The following NRG1 variants were observed in gnomAD, a reference collection of about 807,000 sequenced individuals.
NRG1 encodes the protein pro-neuregulin-1, membrane-bound isoform.
In NRG1, 18 loss-of-function variants were observed where a neutral mutation model predicts 63.8. The ratio of observed to expected loss-of-function variants is 0.28; its 90% CI spans 0.19 to 0.42. The LOEUF (loss-of-function observed/expected upper bound fraction) is 0.42. Ranked by LOEUF, NRG1 falls within the 10% of genes least tolerant of loss-of-function variation. The probability of loss-of-function intolerance (pLI) is 1.00; values close to 1 mark genes in which losing one functional copy is unlikely to be tolerated. For missense variants in NRG1, 762 were observed against 814.7 expected, an observed-to-expected ratio of 0.94 and a Z score of 0.79; for synonymous variants, 302 against 301.3, an observed-to-expected ratio of 1.00 and a Z score of -0.02.
chr8:32,751,546 T>TC (rs1302003248), intron 7 of NRG1, among the ~76,000 whole-genome samples: 1 of 152,216 alleles, frequency 6.6e-6, no homozygotes, highest in Non-Finnish European at 1.5e-5. Context: ...TTTTCCTTGA[T>TC]CACATTCATA....
At chr8:32,548,670 G>T in exon 1 of NRG1, 1 of 1,535,648 alleles carries the variant, frequency 6.5e-7, no homozygotes, top group Non-Finnish European at 8.8e-7. Flanking sequence ...CCGAGCCCTT[G>T]GACCAAACTC....
At chr8:31,984,298 T>G (rs1809664625) in intron 1 of NRG1, among the ~76,000 whole-genome samples, 1 of 152,106 alleles carries the variant, frequency 6.6e-6, no homozygotes, top group South Asian at 2.1e-4. Context: ...GAGAAAACAC[T>G]GAGCATCTTT....
intron 1 of NRG1, among the ~76,000 whole-genome samples, chr8:32,399,345 C>A (rs1308081444): frequency 6.6e-6 from 1 of 152,194 alleles, no homozygotes; most frequent in Non-Finnish European, 1.5e-5. Flanking sequence ...AAATTTCCCT[C>A]GACTCAACTG....
At chr8:32,431,632 G>A (rs569282393) in intron 1 of NRG1, among the ~76,000 whole-genome samples, 53 of 152,164 alleles carry the variant, frequency 3.5e-4, no homozygotes, top group African/African-American at 1.1e-3. Flanking sequence ...TTAGAAAGGA[G>A]GTCTTCATAT....
chr8:31,744,319 C>T (rs1402812689), intron 1 of NRG1, among the ~76,000 whole-genome samples: 2 of 152,134 alleles, frequency 1.3e-5, no homozygotes, highest in East Asian at 1.9e-4. Context: ...CTTCATGATA[C>T]GCTGTGCCAG....
intron 1 of NRG1, among the ~76,000 whole-genome samples, chr8:32,366,400 A>G (rs949011362): frequency 6.6e-6 from 1 of 151,756 alleles, no homozygotes; most frequent in East Asian, 1.9e-4. Context: ...CTCTACCTCC[A>G]TGACATTAAC....
At chr8:31,670,754 C>A (rs752637983) in intron 1 of NRG1, among the ~76,000 whole-genome samples, 1 of 151,990 alleles carries the variant, frequency 6.6e-6, no homozygotes, top group Non-Finnish European at 1.5e-5. Flanking sequence ...ACCAAGAGAA[C>A]CAGGGCCTTA....
chr8:31,877,681 A>G (rs1008387688), intron 1 of NRG1, among the ~76,000 whole-genome samples: 1 of 152,196 alleles, frequency 6.6e-6, no homozygotes, highest in East Asian at 1.9e-4. Context: ...GATCAGGAGC[A>G]TAATTCCAAT....
intron 1 of NRG1, among the ~76,000 whole-genome samples, chr8:31,924,318 T>A (rs1329732254): frequency 6.6e-6 from 1 of 150,978 alleles, no homozygotes; most frequent in Non-Finnish European, 1.5e-5. Context: ...TCCACTGAAC[T>A]CCAGCCTGGG....
intron 5 of NRG1, among the ~76,000 whole-genome samples, chr8:32,630,729 GT>G (rs397891668): frequency 0.16 from 21,619 of 135,412 alleles, 1,786 homozygotes; most frequent in African/African-American, 0.26. Flanking sequence ...CAGATTTTAG[GT>G]TTTTTTTTTT....
At chr8:31,945,307 T>C (rs1174273889) in intron 1 of NRG1, among the ~76,000 whole-genome samples, 3 of 152,228 alleles carry the variant, frequency 2.0e-5, no homozygotes, top group Non-Finnish European at 4.4e-5. Context: ...TAGTTTTCTT[T>C]ATTTTCAGAG....
At chr8:32,587,900 C>T (rs1841891634) in intron 1 of NRG1, among the ~76,000 whole-genome samples, 2 of 148,146 alleles carry the variant, frequency 1.4e-5, no homozygotes, top group East Asian at 2.0e-4. Flanking sequence ...TCTGTTTGTA[C>T]ATGTGGGTTT....
chr8:32,436,836 A>C (rs72612107), intron 1 of NRG1, among the ~76,000 whole-genome samples: 9,789 of 152,202 alleles, frequency 0.064, 1,116 homozygotes, highest in East Asian at 0.58. Context: ...AGTTTTAAAG[A>C]TAAAGATGTC....
intron 1 of NRG1, among the ~76,000 whole-genome samples, chr8:32,289,217 T>C (rs1425902924): frequency 6.6e-6 from 1 of 152,200 alleles, no homozygotes; most frequent in Non-Finnish European, 1.5e-5. Context: ...TTGTAAGCTC[T>C]TTAATCCTGA....
chr8:32,462,496 G>A (rs1383309189), intron 1 of NRG1, among the ~76,000 whole-genome samples: 2 of 150,924 alleles, frequency 1.3e-5, no homozygotes, highest in Non-Finnish European at 2.9e-5. Flanking sequence ...TTTTGTAAGA[G>A]CACATAAAAT....
intron 1 of NRG1, among the ~76,000 whole-genome samples, chr8:31,887,658 G>A (rs1399990871): frequency 2.0e-5 from 3 of 152,038 alleles, no homozygotes; most frequent in Non-Finnish European, 4.4e-5. Context: ...TAGAAAATAT[G>A]ATTTAAGAGA....
chr8:32,134,197 T>TA (rs1260259639), intron 1 of NRG1, among the ~76,000 whole-genome samples: 1 of 152,140 alleles, frequency 6.6e-6, no homozygotes, highest in Non-Finnish European at 1.5e-5. Context: ...TTTTTTTAAA[T>TA]ATATGAATGA....
chr8:31,756,989 A>G (rs1350217882), intron 1 of NRG1, among the ~76,000 whole-genome samples: 1 of 152,166 alleles, frequency 6.6e-6, no homozygotes, highest in African/African-American at 2.4e-5. Flanking sequence ...GACATATTCA[A>G]AGTGTGATCC....
chr8:32,294,290 A>G (rs1038079465), intron 1 of NRG1, among the ~76,000 whole-genome samples: 1 of 151,638 alleles, frequency 6.6e-6, no homozygotes, highest in Non-Finnish European at 1.5e-5. Flanking sequence ...AATATTCTAA[A>G]CTAGTAATTA....
Sources: allele counts gnomAD v4.1 joint callset (sites outside exome capture counted in the v4.1 genomes callset), GRCh38; gene constraint gnomAD v4.1.1; transcripts MANE v1.5; gene names NCBI Gene and HGNC (gene_info 2026-07-23, HGNC 2026-07-21).